ZBED4: variants seen among roughly 807,000 people sequenced by gnomAD.
The protein encoded by ZBED4 is zinc finger BED domain-containing protein 4.
A neutral mutation model predicts 15.5 loss-of-function variants in ZBED4; 4 were observed. The observed-to-expected ratio is 0.26, with a 90% CI of 0.13 to 0.59. The LOEUF (loss-of-function observed/expected upper bound fraction) is 0.59. ZBED4 is among the 20% of genes least tolerant of loss of function. ZBED4 has a pLI of 0.90. For missense variants in ZBED4, 1,323 were observed against 1,461.8 expected, an observed-to-expected ratio of 0.91 and a Z score of 1.55; for synonymous variants, 692 against 608.5, an observed-to-expected ratio of 1.14 and a Z score of -2.02.
chr22:49,879,207 T>C, intron 1 of ZBED4, among the ~76,000 whole-genome samples: 1 of 149,048 alleles, frequency 6.7e-6, no homozygotes. Context: ...TCACTGTAAC[T>C]TGCGCCTCCC....
At chr22:49,881,349 A>G (rs2060408635) in intron 1 of ZBED4, among the ~76,000 whole-genome samples, 1 of 152,238 alleles carries the variant, frequency 6.6e-6, no homozygotes, top group Admixed American at 6.5e-5. Flanking sequence ...ATCCGTCTCA[A>G]AAAAATTTGT....
At chr22:49,863,253 G>A (rs1048121494) in intron 1 of ZBED4, among the ~76,000 whole-genome samples, 3 of 152,064 alleles carry the variant, frequency 2.0e-5, no homozygotes, top group Non-Finnish European at 2.9e-5. Context: ...TGGTGCTCCC[G>A]GGCTCAAGTG....
intron 1 of ZBED4, among the ~76,000 whole-genome samples, chr22:49,879,162 A>C (rs571652931): frequency 1.3e-3 from 185 of 145,914 alleles, no homozygotes; most frequent in African/African-American, 4.6e-3. Context: ...AACAAAAAAC[A>C]AAAAAAAACA....
chr22:49,883,063 T>A (rs2147544455), intron 1 of ZBED4, among the ~76,000 whole-genome samples: 1 of 152,366 alleles, frequency 6.6e-6, no homozygotes, highest in South Asian at 2.1e-4. Flanking sequence ...GCAACCTCTT[T>A]ATACCATTCT....
chr22:49,870,845 A>G (rs976705152), intron 1 of ZBED4, among the ~76,000 whole-genome samples: 2 of 151,994 alleles, frequency 1.3e-5, no homozygotes, highest in Non-Finnish European at 2.9e-5. Context: ...CCAGTTGTCA[A>G]TTTTTGTTTC....
Position 49,884,336 on chromosome 22 carries a change from A to C in ZBED4, c.674A>C (p.Glu225Ala), listed in dbSNP as rs1356034913. ...KIPSPDRITE[E>A]SVSVVSSEEI... ...CCGTCCCCCGATCGAATAACAGAGG[A>C]GTCTGTGTCTGTAGTTTCTTCTGAA... Residue 225 changes from glutamate (E) to alanine (A), a missense_variant, in exon 2 of 2, where the codon GAG becomes GCG. Glu to Ala is a moderately radical substitution (Grantham distance 107). Coordinates refer to ENST00000216268, the MANE Select transcript of ZBED4 (RefSeq NM_014838.3). The C allele has an allele frequency of 6.2e-7, 1 of 1,613,440 alleles. No homozygotes were observed. The highest frequency in any genetic ancestry group is 1.3e-5 in the African/African-American group (1 of 74,904).
In ZBED4 at chr22:49,887,188, C is replaced by T. The variant is rs370504440; in HGVS notation, c.*10C>T. 1.9e-5 allele frequency: 30 copies of T among 1,597,222 alleles called. No individual in the cohort carries two copies. In the African/African-American group the frequency reaches 2.1e-4, roughly 11 times the overall value. On this transcript the variant is annotated 3_prime_UTR_variant, in exon 2 of 2. Transcript: ENST00000216268. ...ATACTTTCAGTATTGAAACTCACGA[C>T]GGCACCACTAGGCCAGAGGCGTGGC...
intron 1 of ZBED4, among the ~76,000 whole-genome samples, chr22:49,855,434 C>T (rs1247592669): frequency 1.3e-5 from 2 of 152,184 alleles, no homozygotes; most frequent in Non-Finnish European, 2.9e-5. Context: ...TTACCTCCTC[C>T]CCAACCCCCT....
chr22:49,879,688 TCTATTGGTTGG>T, intron 1 of ZBED4, among the ~76,000 whole-genome samples: 1 of 67,730 alleles, frequency 1.5e-5, no homozygotes, highest in Non-Finnish European at 3.3e-5. Flanking sequence ...TGGGCGTGTT[TCTATTGGTTGG>T]TTTTTCTCCT....
At position 49,866,830 on chromosome 22, in the gene ZBED4, A is replaced by G. The variant is rs140506836; in HGVS notation, c.-330+12841A>G. ...ACACAAACGGAAATTAGGAATCTGA[A>G]ATCTGAGATGGGTCTCACTGGGCTA... On this transcript the variant is annotated intron_variant, in intron 1 of 1. Transcript: ENST00000216268. Among the ~76,000 whole-genome samples the G allele has an allele frequency of 4.0e-4, 61 of 152,340 alleles. No homozygotes were observed. The Middle Eastern group carries it at 0.014, about 34-fold the overall frequency.
At chr22:49,860,944 A>G (rs1475100956) in intron 1 of ZBED4, among the ~76,000 whole-genome samples, 1 of 151,302 alleles carries the variant, frequency 6.6e-6, no homozygotes, top group Non-Finnish European at 1.5e-5. Flanking sequence ...ACGCCCAGCT[A>G]ATTTTTTGTA....
At chr22:49,857,596 A>T (rs1013514601) in intron 1 of ZBED4, among the ~76,000 whole-genome samples, 5 of 151,764 alleles carry the variant, frequency 3.3e-5, no homozygotes, top group Admixed American at 3.3e-4. Context: ...TCCCCTTCTC[A>T]GTTTGTTTGT....
chr22:49,879,648 TATTGGTTGG>T (rs2060397797), intron 1 of ZBED4, among the ~76,000 whole-genome samples: 1 of 118,176 alleles, frequency 8.5e-6, no homozygotes, highest in Non-Finnish European at 1.9e-5. Flanking sequence ...GGCGTGTTTC[TATTGGTTGG>T]TTTTTCTCCT....
intron 1 of ZBED4, among the ~76,000 whole-genome samples, chr22:49,854,403 C>T (rs774272491): frequency 6.6e-5 from 10 of 152,204 alleles, no homozygotes; most frequent in South Asian, 4.1e-4. Flanking sequence ...CGTGTCATTC[C>T]CGTCCCACCT....
Position 49,876,941 on chromosome 22 carries a change from C to G in ZBED4, c.-329-6393C>G, listed in dbSNP as rs569061306. On this transcript the variant is annotated intron_variant, in intron 1 of 1. Transcript: ENST00000216268. ...CTGGCCAAAGATTCCTTTGATGAAT[C>G]CGATTTTTCCAAAATAGATGATTCT... Among the ~76,000 whole-genome samples the G allele has an allele frequency of 3.3e-5, 5 of 152,168 alleles. No homozygotes were observed. The South Asian group carries it at 6.2e-4, about 19-fold the overall frequency.
rs761012447 is a variant in ZBED4, at chr22:49,871,753, A to AT, written c.-329-11578dup. Among the ~76,000 whole-genome samples the AT allele has an allele frequency of 7.4e-3, 347 of 46,826 alleles. 2 individuals carry two copies. The highest frequency in any genetic ancestry group is 0.049 in the Middle Eastern group (4 of 82). The allele number at this position is 46,826 out of a possible 152,430, so 30.7% of individuals were successfully genotyped here. ...GGTGGCTGTGACAATTTATTTATTT[A>AT]TTTATTTTTTTTTTTTTTTGAGACA... On this transcript the variant is annotated intron_variant, in intron 1 of 1. Coordinates refer to ENST00000216268, the MANE Select transcript of ZBED4 (RefSeq NM_014838.3).
At chr22:49,862,345 G>C (rs539214707) in intron 1 of ZBED4, among the ~76,000 whole-genome samples, 9 of 152,336 alleles carry the variant, frequency 5.9e-5, no homozygotes, top group African/African-American at 1.9e-4. Flanking sequence ...CTGTGCTCAA[G>C]TCTCTCACCG....
chr22:49,855,383 G>A (rs1484781485), intron 1 of ZBED4, among the ~76,000 whole-genome samples: 1 of 152,146 alleles, frequency 6.6e-6, no homozygotes, highest in Admixed American at 6.5e-5. Flanking sequence ...CCTGAATAAG[G>A]TGGTTGATGT....
At chr22:49,873,184 T>TA (rs1194279048) in intron 1 of ZBED4, among the ~76,000 whole-genome samples, 19 of 152,108 alleles carry the variant, frequency 1.2e-4, no homozygotes, top group African/African-American at 4.6e-4. Flanking sequence ...GGTACAAGAG[T>TA]CCTAGCGTTG....
Sources: gnomAD v4.1 joint callset for allele counts (sites outside exome capture counted in the v4.1 genomes callset) on GRCh38, gnomAD v4.1.1 for gene constraint, MANE v1.5 for transcripts, NCBI Gene and HGNC (gene_info 2026-07-23, HGNC 2026-07-21) for gene names.